Variants in CEMIP2 observed in about 807,000 individuals in gnomAD.
The protein encoded by CEMIP2 is cell surface hyaluronidase CEMIP2.
CEMIP2 carries 79 observed loss-of-function variants against 146.9 expected under a neutral mutation model. The observed-to-expected ratio is 0.54, with a 90% CI of 0.45 to 0.65. The LOEUF is 0.65. Ranked by LOEUF, CEMIP2 falls within the 30% of genes least tolerant of loss-of-function variation. The pLI is 0.00. For synonymous variants in CEMIP2, 601 were observed against 606.3 expected (o/e 0.99, Z 0.13); for missense variants, 1,596 against 1,696.2 (o/e 0.94, Z 1.04).
intron 1 of CEMIP2, among the ~76,000 whole-genome samples, chr9:71,758,767 G>A (rs1824539217): frequency 6.6e-6 from 1 of 152,168 alleles, no homozygotes; most frequent in Non-Finnish European, 1.5e-5. Flanking sequence ...GTTTGCTGCT[G>A]TTTGCTGACA....
Position 71,716,566 on chromosome 9 carries a change from G to T in CEMIP2, c.2400-14C>A, listed in dbSNP as rs756832543. ...TTATCTGCAAATCTGTAAAAGAAGA[G>T]AGAATGAAGAACATTTTAATTTACC... On this transcript the variant is annotated splice_polypyrimidine_tract_variant and intron_variant, in intron 13 of 23. Coordinates refer to ENST00000377044, the MANE Select transcript of CEMIP2 (RefSeq NM_013390.3). 1 of 1,583,268 alleles carries T rather than the reference G, an allele frequency of 6.3e-7. No homozygotes were observed. Among genetic ancestry groups the T allele is most frequent in the South Asian group, 1.2e-5 (1 of 86,588 alleles).
At chr9:71,707,007 T>C (rs949849016) in intron 17 of CEMIP2, among the ~76,000 whole-genome samples, 1 of 152,070 alleles carries the variant, frequency 6.6e-6, no homozygotes, top group African/African-American at 2.4e-5. Flanking sequence ...TTTTTCTATT[T>C]AGTAGAGATG....
At chr9:71,722,959 T>C (rs1473631881) in intron 11 of CEMIP2, among the ~76,000 whole-genome samples, 2 of 141,404 alleles carry the variant, frequency 1.4e-5, no homozygotes, top group East Asian at 4.2e-4. Flanking sequence ...GAATGTCTCC[T>C]AAAAGAAGTG....
At position 71,685,165 on chromosome 9, in the gene CEMIP2, T is replaced by C. The variant is rs1822015281; in HGVS notation, c.*32A>G. On this transcript the variant is annotated 3_prime_UTR_variant, in exon 24 of 24. Coordinates refer to ENST00000377044, the MANE Select transcript of CEMIP2 (RefSeq NM_013390.3). ...AATTAAATAAGTTAGTTCACATTTT[T>C]TTTCCCCCAGCACTTAAGTTACAGT... The C allele has an allele frequency of 6.5e-7, 1 of 1,541,206 alleles. No homozygotes were observed. Among genetic ancestry groups the C allele is most frequent in the Non-Finnish European group, 8.8e-7 (1 of 1,139,948 alleles).
At position 71,764,677 on chromosome 9, in the gene CEMIP2, T is replaced by G. The variant is rs531968606; in HGVS notation, c.-13+3680A>C. ...AAAAGGGCACAGTTCACTTGATAGTTTTAAATATCTGAGTTTGGATTTCTA... is the reference window on the plus strand; with the variant it reads ...AAAAGGGCACAGTTCACTTGATAGTGTTAAATATCTGAGTTTGGATTTCTA... On this transcript the variant is annotated intron_variant, in intron 1 of 23. Coordinates refer to ENST00000377044, the MANE Select transcript of CEMIP2 (RefSeq NM_013390.3). 1.7e-3 allele frequency among the ~76,000 whole-genome samples: 255 copies of G among 152,258 alleles called. 2 individuals are homozygous for G. Among genetic ancestry groups the G allele is most frequent in the Non-Finnish European group, 3.1e-3 (210 of 68,028 alleles).
At chr9:71,757,534 C>A (rs1207765425) in intron 1 of CEMIP2, among the ~76,000 whole-genome samples, 1 of 152,084 alleles carries the variant, frequency 6.6e-6, no homozygotes, top group African/African-American at 2.4e-5. Context: ...TAAAAACATG[C>A]AGCAAAAAGT....
chr9:71,684,526 A>G lies in CEMIP2; in HGVS notation c.*671T>C, dbSNP rs7031344. On this transcript the variant is annotated 3_prime_UTR_variant, in exon 24 of 24. Coordinates refer to ENST00000377044, the MANE Select transcript of CEMIP2 (RefSeq NM_013390.3). ...TTTGCTGCAGGAAAATTTTTTGCCC[A>G]ATGGTCACAGATTAAAGGGATATCT... 6.6e-6 allele frequency: 1 copy of G among 152,596 alleles called. No homozygotes were observed. The highest frequency in any genetic ancestry group is 2.4e-5 in the African/African-American group (1 of 41,428). The allele number at this position is 152,596 out of a possible 1,614,324, so 9.5% of individuals were successfully genotyped here. A position where few individuals can be genotyped will look rare whatever the true frequency, so the allele number is the denominator to read the frequency against.
At chr9:71,757,032 T>C (rs1824480618) in intron 1 of CEMIP2, among the ~76,000 whole-genome samples, 1 of 152,210 alleles carries the variant, frequency 6.6e-6, no homozygotes, top group Non-Finnish European at 1.5e-5. Flanking sequence ...TTTCAGCTGC[T>C]GAGATGTTAA....
chr9:71,713,132 G>C (rs1465139416), intron 15 of CEMIP2, among the ~76,000 whole-genome samples: 1 of 152,176 alleles, frequency 6.6e-6, no homozygotes, highest in Non-Finnish European at 1.5e-5. Flanking sequence ...GTCTGGCTCT[G>C]TGTCCCCACC....
At chr9:71,732,888 A>G (rs1489568396) in intron 6 of CEMIP2, among the ~76,000 whole-genome samples, 2 of 151,538 alleles carry the variant, frequency 1.3e-5, no homozygotes, top group African/African-American at 4.9e-5. Flanking sequence ...CTGAACCCTC[A>G]CTACTAACTG....
chr9:71,738,562 G>A (rs534412121), intron 5 of CEMIP2, among the ~76,000 whole-genome samples: 10 of 151,216 alleles, frequency 6.6e-5, no homozygotes, highest in Middle Eastern at 3.6e-3. Context: ...ATGACTAACC[G>A]GGTATGGTGG....
chr9:71,737,170 A>AAAG (rs1554686474), intron 5 of CEMIP2, among the ~76,000 whole-genome samples: 28 of 132,112 alleles, frequency 2.1e-4, no homozygotes, highest in Non-Finnish European at 4.4e-4. Context: ...AAAAAAAAAA[A>AAAG]AAAGAAAGAA....
intron 12 of CEMIP2, among the ~76,000 whole-genome samples, chr9:71,720,847 C>T (rs1450150169): frequency 6.6e-6 from 1 of 152,020 alleles, no homozygotes; most frequent in Non-Finnish European, 1.5e-5. Flanking sequence ...AGTCCAATTC[C>T]TTATCAATAT....
At chr9:71,709,233 G>A (rs7046059) in intron 17 of CEMIP2, 26 bp downstream of exon 17, 152,572 of 1,608,460 alleles carry the variant, frequency 0.095, 7,677 homozygotes, top group Admixed American at 0.15. Flanking sequence ...GTAGGAACTT[G>A]AGCATTATAC....
intron 21 of CEMIP2, among the ~76,000 whole-genome samples, chr9:71,692,365 A>ACCTCTC (rs139317162): frequency 1.5e-4 from 14 of 90,558 alleles, no homozygotes; most frequent in African/African-American, 5.9e-4. Flanking sequence ...TCTACCCCCC[A>ACCTCTC]TCTCTCTCTC....
At chr9:71,753,073 A>G (rs1320955221) in intron 1 of CEMIP2, among the ~76,000 whole-genome samples, 4 of 152,186 alleles carry the variant, frequency 2.6e-5, no homozygotes, top group Non-Finnish European at 4.4e-5. Flanking sequence ...GGAACAAATG[A>G]AAGAGTACAA....
chr9:71,763,341 G>T (rs145930210), intron 1 of CEMIP2, among the ~76,000 whole-genome samples: 89 of 152,244 alleles, frequency 5.8e-4, no homozygotes, highest in African/African-American at 2.0e-3. Context: ...ACTGGAGGGG[G>T]ACTTAATCTG....
intron 13 of CEMIP2, among the ~76,000 whole-genome samples, chr9:71,717,564 CTT>C: frequency 6.6e-6 from 1 of 152,044 alleles, no homozygotes; most frequent in East Asian, 1.9e-4. Context: ...AATTATAAAG[CTT>C]TTATTTTGAA....
At chr9:71,767,146 T>C (rs910405382) in intron 1 of CEMIP2, among the ~76,000 whole-genome samples, 1 of 152,198 alleles carries the variant, frequency 6.6e-6, no homozygotes, top group Non-Finnish European at 1.5e-5. Flanking sequence ...TAAGCATTAG[T>C]AGCTCCATTC....
Sources: gnomAD v4.1 joint callset for allele counts (sites outside exome capture counted in the v4.1 genomes callset) on GRCh38, gnomAD v4.1.1 for gene constraint, MANE v1.5 for transcripts, NCBI Gene and HGNC (gene_info 2026-07-23, HGNC 2026-07-21) for gene names.